The following CSNK1G1 variants were observed in gnomAD, a reference collection of about 807,000 sequenced individuals.
CSNK1G1 encodes casein kinase I isoform gamma-1.
CSNK1G1 carries 22 observed loss-of-function variants against 59.6 expected under a neutral mutation model. The observed-to-expected ratio is 0.37, with a 90% CI of 0.26 to 0.53. CSNK1G1 has a LOEUF of 0.53. CSNK1G1 is among the 20% of genes least tolerant of loss of function. The pLI is 0.89. For missense variants in CSNK1G1, 384 were observed against 519.5 expected (o/e 0.74, Z 2.54); for synonymous variants, 179 against 177.1 (o/e 1.01, Z -0.08).
intron 4 of CSNK1G1, among the ~76,000 whole-genome samples, chr15:64,219,459 C>T (rs1023564898): frequency 6.6e-5 from 10 of 152,030 alleles, no homozygotes; most frequent in Non-Finnish European, 1.5e-4. Flanking sequence ...ATCCATTCTC[C>T]CTCTCCTTTT....
chr15:64,201,735 TG>T (rs1567370235), intron 10 of CSNK1G1, among the ~76,000 whole-genome samples: 54 of 151,646 alleles, frequency 3.6e-4, no homozygotes, highest in African/African-American at 1.2e-3. Flanking sequence ...TGTGTGTGTG[TG>T]TGTGTGTGTG....
intron 3 of CSNK1G1, among the ~76,000 whole-genome samples, chr15:64,255,051 TC>T (rs1387600276): frequency 1.3e-5 from 2 of 152,264 alleles, no homozygotes; most frequent in South Asian, 4.2e-4. Flanking sequence ...GACTGTCCTT[TC>T]CCCCAATGAG....
At chr15:64,332,065 C>T (rs2140458893) in intron 1 of CSNK1G1, among the ~76,000 whole-genome samples, 1 of 147,998 alleles carries the variant, frequency 6.8e-6, no homozygotes, top group Admixed American at 6.8e-5. Flanking sequence ...AACACTTTTA[C>T]ACTGTTGGTG....
intron 1 of CSNK1G1, among the ~76,000 whole-genome samples, chr15:64,350,601 T>C (rs552602104): frequency 2.0e-5 from 3 of 152,310 alleles, no homozygotes; most frequent in African/African-American, 7.2e-5. Flanking sequence ...TTAAACAGTA[T>C]CTGTCATCAT....
At chr15:64,276,575 T>C (rs1893626358) in intron 2 of CSNK1G1, among the ~76,000 whole-genome samples, 1 of 151,384 alleles carries the variant, frequency 6.6e-6, no homozygotes, top group Non-Finnish European at 1.5e-5. Context: ...CCCATGAAAA[T>C]GAAAAAGAGT....
At chr15:64,341,620 G>A (rs564148403) in intron 1 of CSNK1G1, among the ~76,000 whole-genome samples, 16 of 152,118 alleles carry the variant, frequency 1.1e-4, no homozygotes, top group Admixed American at 2.0e-4. Flanking sequence ...CTACCAGCTC[G>A]TGCCATGACA....
chr15:64,353,375 G>C (rs970134786), intron 1 of CSNK1G1, among the ~76,000 whole-genome samples: 1 of 152,120 alleles, frequency 6.6e-6, no homozygotes, highest in South Asian at 2.1e-4. Context: ...GGCCGGGTAC[G>C]GTGGCTCATG....
chr15:64,264,925 G>A (rs1892900344), intron 2 of CSNK1G1, among the ~76,000 whole-genome samples: 1 of 152,128 alleles, frequency 6.6e-6, no homozygotes, highest in South Asian at 2.1e-4. Context: ...CAGACTGAAT[G>A]GGGAAAAATT....
intron 10 of CSNK1G1, among the ~76,000 whole-genome samples, chr15:64,182,790 G>A (rs1244498654): frequency 6.6e-6 from 1 of 152,140 alleles, no homozygotes; most frequent in Non-Finnish European, 1.5e-5. Flanking sequence ...AGATATACAA[G>A]AGTTTATTGC....
In CSNK1G1 at chr15:64,169,548, C is replaced by T. The variant is rs1651066926; in HGVS notation, c.*2383G>A. On this transcript the variant is annotated 3_prime_UTR_variant, in exon 12 of 12. Coordinates refer to ENST00000303052, the MANE Select transcript of CSNK1G1 (RefSeq NM_022048.5). Reference sequence around the variant, plus strand: ...GCACCTGGCCCCCCCTCTGCCCTCTCTTGAGAGGCAAGGCATTTTCTATAC... The same window carrying T: ...GCACCTGGCCCCCCCTCTGCCCTCTTTTGAGAGGCAAGGCATTTTCTATAC... 2 of 152,220 alleles carry T rather than the reference C, an allele frequency of 1.3e-5. No individual in the cohort carries two copies. The highest frequency in any genetic ancestry group is 6.5e-5 in the Admixed American group (1 of 15,282). 9.4% of individuals were successfully genotyped at this position (152,220 alleles called of 1,614,324 possible).
intron 4 of CSNK1G1, among the ~76,000 whole-genome samples, chr15:64,246,919 C>A (rs972031005): frequency 6.6e-6 from 1 of 152,108 alleles, no homozygotes; most frequent in Non-Finnish European, 1.5e-5. Flanking sequence ...CTTTTTCCTC[C>A]CACTTCAGCT....
At chr15:64,316,071 C>A (rs949294672) in intron 1 of CSNK1G1, among the ~76,000 whole-genome samples, 2 of 152,146 alleles carry the variant, frequency 1.3e-5, no homozygotes, top group African/African-American at 4.8e-5. Context: ...CTGTCAGCTA[C>A]GCCGGAGTGC....
chr15:64,195,607 C>T (rs887094816), intron 10 of CSNK1G1, among the ~76,000 whole-genome samples: 2 of 152,154 alleles, frequency 1.3e-5, no homozygotes, highest in Non-Finnish European at 2.9e-5. Flanking sequence ...AATATCAGAT[C>T]TGTGGATACC....
intron 1 of CSNK1G1, among the ~76,000 whole-genome samples, chr15:64,310,289 A>AT (rs1319669556): frequency 6.6e-6 from 1 of 152,048 alleles, no homozygotes; most frequent in Non-Finnish European, 1.5e-5. Flanking sequence ...GAAACCTGCA[A>AT]TTTTATTCTC....
intron 2 of CSNK1G1, among the ~76,000 whole-genome samples, chr15:64,299,559 T>C (rs1475333833): frequency 2.0e-5 from 3 of 151,090 alleles, no homozygotes; most frequent in Non-Finnish European, 4.4e-5. Context: ...GCCACTGCAC[T>C]CCAGCCTGGG....
At chr15:64,172,720 C>A (rs2081689345) in intron 11 of CSNK1G1, among the ~76,000 whole-genome samples, 1 of 152,170 alleles carries the variant, frequency 6.6e-6, no homozygotes, top group Admixed American at 6.5e-5. Flanking sequence ...AATTTAGCTT[C>A]CTGAGACTGC....
chr15:64,193,923 A>G (rs2082006005), intron 10 of CSNK1G1: 1 of 152,274 alleles, frequency 6.6e-6, no homozygotes, highest in Non-Finnish European at 1.5e-5. Flanking sequence ...CTGCTGAAAT[A>G]CAAAACACTT....
intron 2 of CSNK1G1, among the ~76,000 whole-genome samples, chr15:64,263,169 T>C (rs1892789862): frequency 6.6e-6 from 1 of 151,628 alleles, no homozygotes; most frequent in Admixed American, 6.6e-5. Flanking sequence ...AGGAGTCTCA[T>C]CATTCAGTGT....
chr15:64,308,635 A>G lies in CSNK1G1; in HGVS notation c.-224-7912T>C, dbSNP rs577323345. Among the ~76,000 whole-genome samples the G allele has an allele frequency of 1.6e-3, 248 of 152,126 alleles. 2 individuals are homozygous for G. Among genetic ancestry groups the G allele is most frequent in the African/African-American group, 5.8e-3 (239 of 41,536 alleles). On this transcript the variant is annotated intron_variant, in intron 1 of 11. Coordinates refer to ENST00000303052, the MANE Select transcript of CSNK1G1 (RefSeq NM_022048.5). ...ATCCTGGCCAGGCGCGGTGGCTCACATCTATAATCCCAGCACTTTGGGAGG... is the reference window on the plus strand; with the variant it reads ...ATCCTGGCCAGGCGCGGTGGCTCACGTCTATAATCCCAGCACTTTGGGAGG...
Sources: allele counts gnomAD v4.1 joint callset (sites outside exome capture counted in the v4.1 genomes callset), GRCh38; gene constraint gnomAD v4.1.1; transcripts MANE v1.5; gene names NCBI Gene and HGNC (gene_info 2026-07-23, HGNC 2026-07-21).